NBPF15: variants seen among roughly 807,000 people sequenced by gnomAD.
NBPF15 encodes the protein NBPF family member NBPF15.
In NBPF15, 74 loss-of-function variants were observed where a neutral mutation model predicts 62.2. The ratio of observed to expected loss-of-function variants is 1.19; its 90% CI spans 0.99 to 1.44. NBPF15 has a LOEUF of 1.44. Ranked by LOEUF, NBPF15 falls within the 40% of genes most tolerant of loss-of-function variation. The pLI is 0.00. For missense variants in NBPF15, 790 were observed against 550.0 expected (o/e 1.44, Z -4.36); for synonymous variants, 244 against 209.7 (o/e 1.16, Z -1.41).
rs1475602711 is a variant in NBPF15 at position 144,435,092 on chromosome 1, C to A, written c.772+19G>T. The A allele has an allele frequency of 2.0e-5, 33 of 1,612,324 alleles. 1 individual carries two copies. The highest frequency in any genetic ancestry group is 3.3e-5 in the South Asian group (3 of 91,000). On this transcript the variant is annotated intron_variant, in intron 12 of 21. Coordinates refer to ENST00000581897, the MANE Select transcript of NBPF15 (RefSeq NM_001385408.1). ...TCAGCCTAGAGAGAGGTATGAGACA[C>A]AAGGAAAACAGAGGCTACCTGGAAT...
chr1:144,442,352 A>G (rs2102334036), intron 6 of NBPF15, among the ~76,000 whole-genome samples: 1 of 137,226 alleles, frequency 7.3e-6, no homozygotes, highest in African/African-American at 2.7e-5. Flanking sequence ...GTATATATAT[A>G]TACACATATA....
intron 6 of NBPF15, among the ~76,000 whole-genome samples, chr1:144,445,537 A>C (rs1249071202): frequency 1.3e-5 from 2 of 149,172 alleles, no homozygotes; most frequent in Non-Finnish European, 3.0e-5. Flanking sequence ...CTGTAGAGTA[A>C]TTCTGGAAAT....
rs1229860883 is a variant in NBPF15 at position 144,425,678 on chromosome 1, A to C, written c.1439-110T>G. The C allele has an allele frequency of 5.1e-5, 30 of 590,874 alleles. No individual in the cohort carries two copies. The Admixed American group carries it at 7.7e-4, about 15-fold the overall frequency. The allele number at this position is 590,874 out of a possible 1,614,324, so 36.6% of individuals were successfully genotyped here. On this transcript the variant is annotated intron_variant, in intron 18 of 21. Transcript: ENST00000581897. The stretch of plus-strand genomic sequence containing the variant: ...ATCTCAGGCTTCTCAGCATGAGAAC[A>C]GGACAATGTGAGAGAGATACTTCAG...
chr1:144,457,494 T>G (rs1303635897), intron 3 of NBPF15, among the ~76,000 whole-genome samples: 1 of 152,068 alleles, frequency 6.6e-6, no homozygotes, highest in East Asian at 1.9e-4. Flanking sequence ...TACAAGCTAT[T>G]TTATTTGTTA....
chr1:144,450,270 G>C (rs1253203866), intron 5 of NBPF15, among the ~76,000 whole-genome samples: 6 of 136,036 alleles, frequency 4.4e-5, no homozygotes, highest in Non-Finnish European at 6.2e-5. Context: ...ACATGACAGA[G>C]CTTTGTGTGG....
chr1:144,434,398 G>C (rs1254653004), intron 12 of NBPF15, among the ~76,000 whole-genome samples: 1 of 148,358 alleles, frequency 6.7e-6, no homozygotes, highest in Non-Finnish European at 1.5e-5. Context: ...CAACTCAGGA[G>C]GCTGAGGCAG....
At chr1:144,459,638 A>T (rs1438681901) in intron 2 of NBPF15, among the ~76,000 whole-genome samples, 155 bp from the exon 3 acceptor site, 1 of 151,994 alleles carries the variant, frequency 6.6e-6, no homozygotes, top group African/African-American at 2.4e-5. Context: ...ATTACAAATC[A>T]ACAGAAAAAC....
Position 144,422,588 on chromosome 1 carries a change from C to G in NBPF15, c.*425G>C. ...TACAGATGGATCAGCTAAAACAAGC[C>G]AACACTGAAGACACAAAGAATGAGG... On this transcript the variant is annotated 3_prime_UTR_variant, in exon 22 of 22. Transcript: ENST00000581897. The G allele has an allele frequency of 4.1e-6, 1 of 241,726 alleles. No homozygotes were observed. Among genetic ancestry groups the G allele is most frequent in the South Asian group, 5.0e-5 (1 of 20,150 alleles). The allele number at this position is 241,726 out of a possible 1,614,324, so 15.0% of individuals were successfully genotyped here.
In NBPF15 at chr1:144,423,028, G is replaced by T; in HGVS notation, c.1998C>A (p.Val666=). 1 of 1,611,616 alleles carries T rather than the reference G, an allele frequency of 6.2e-7. No individual in the cohort carries two copies. Among genetic ancestry groups the T allele is most frequent in the Non-Finnish European group, 8.5e-7 (1 of 1,179,630 alleles). The part of the protein sequence containing the change: ...TSLHLVFQMG[V]IFPQ ...TAAGAGCTGCTTATTGTGGGAATAT[G>T]ACTCCCATCTGGAACACCAGGTGGA... Residue 666 remains valine, a synonymous_variant, in exon 22 of 22, where the codon GTC becomes GTA. Transcript: ENST00000581897.
chr1:144,447,837 G>T (rs1688647634), intron 6 of NBPF15, among the ~76,000 whole-genome samples: 1 of 152,014 alleles, frequency 6.6e-6, no homozygotes, highest in Non-Finnish European at 1.5e-5. Context: ...CATGGCATTG[G>T]GGCTGGTACA....
At chr1:144,424,155 C>T (rs587755838) in intron 20 of NBPF15, among the ~76,000 whole-genome samples, 180 bp from the exon 21 acceptor site, 1 of 152,012 alleles carries the variant, frequency 6.6e-6, no homozygotes, top group Admixed American at 6.6e-5. Flanking sequence ...AGTTTTTCTC[C>T]CAGAAACTGT....
intron 13 of NBPF15, among the ~76,000 whole-genome samples, chr1:144,430,808 A>T (rs1239314805): frequency 6.9e-6 from 1 of 145,464 alleles, no homozygotes; most frequent in Non-Finnish European, 1.5e-5. Context: ...AACTCATCTC[A>T]AGGAAGCTAA....
In NBPF15 at chr1:144,423,228, C is replaced by T. The variant is rs1553538594; in HGVS notation, c.1798G>A (p.Glu600Lys). ...RLYGVLMEVE[E>K]PEVLQDSLDR... Reference sequence around the variant, plus strand: ...AGTGAGTCCTGTAAGACTTCAGGCTCTTCCACTTCCATCAGCACGCCGTAG... The same window carrying T: ...AGTGAGTCCTGTAAGACTTCAGGCTTTTCCACTTCCATCAGCACGCCGTAG... The change falls in exon 22 of 22, where the codon GAG becomes AAG. Residue 600 changes from glutamate to lysine, a missense_variant. By Grantham distance (56) the Glu-to-Lys change is moderately conservative. Coordinates refer to ENST00000581897, the MANE Select transcript of NBPF15 (RefSeq NM_001385408.1). 1 of 1,611,588 alleles carries T rather than the reference C, an allele frequency of 6.2e-7. No individual in the cohort carries two copies. Among genetic ancestry groups the T allele is most frequent in the East Asian group, 2.2e-5 (1 of 44,862 alleles).
intron 6 of NBPF15, among the ~76,000 whole-genome samples, chr1:144,448,113 G>T (rs1196870101): frequency 7.2e-5 from 11 of 152,034 alleles, no homozygotes; most frequent in Non-Finnish European, 1.3e-4. Context: ...TATCATAAAA[G>T]AAATTCTTCA....
chr1:144,427,147 A>C (rs1316416085), intron 16 of NBPF15, 49 bp from the exon 17 acceptor site: 10 of 560,794 alleles, frequency 1.8e-5, no homozygotes, highest in African/African-American at 1.3e-4. Context: ...GTTCTCCTAC[A>C]CACATAACAA....
At chr1:144,455,660 A>G (rs1169300530) in intron 4 of NBPF15, among the ~76,000 whole-genome samples, 2 of 152,032 alleles carry the variant, frequency 1.3e-5, no homozygotes, top group Admixed American at 1.3e-4. Context: ...GACATCGTCC[A>G]TTTGTCATTC....
chr1:144,431,024 G>GA (rs1236401040), intron 13 of NBPF15, among the ~76,000 whole-genome samples: 132 of 151,866 alleles, frequency 8.7e-4, no homozygotes, highest in African/African-American at 2.9e-3. Context: ...GAAGTTTAGA[G>GA]AAAAAAGAGT....
chr1:144,445,118 T>C (rs1413213275), intron 6 of NBPF15, among the ~76,000 whole-genome samples: 5 of 151,444 alleles, frequency 3.3e-5, no homozygotes, highest in Admixed American at 2.6e-4. Flanking sequence ...GACTAAACAG[T>C]GGAGCATCTT....
chr1:144,440,145 G>A lies in NBPF15; in HGVS notation c.-40C>T. ...TAACTGAAATTCTTAACTTACTGTT[G>A]TCAAAAATGTGATCACTCCCCACAG... On this transcript the variant is annotated 5_prime_UTR_variant, in exon 7 of 22. Coordinates refer to ENST00000581897, the MANE Select transcript of NBPF15 (RefSeq NM_001385408.1). 1 of 1,583,676 alleles carries A rather than the reference G, an allele frequency of 6.3e-7. No individual in the cohort carries two copies.
Sources: gnomAD v4.1 joint callset for allele counts (sites outside exome capture counted in the v4.1 genomes callset) on GRCh38, gnomAD v4.1.1 for gene constraint, MANE v1.5 for transcripts, NCBI Gene and HGNC (gene_info 2026-07-23, HGNC 2026-07-21) for gene names.